Variants in PSD2 observed in about 807,000 individuals in gnomAD.
PSD2 encodes pleckstrin and Sec7 domain containing 2.
PSD2 carries 38 observed loss-of-function variants against 69.8 expected under a neutral mutation model. That is an observed-to-expected ratio of 0.54 (90% CI 0.42 to 0.71). The LOEUF (loss-of-function observed/expected upper bound fraction) is 0.71. Ranked by LOEUF, PSD2 falls within the 30% of genes least tolerant of loss-of-function variation. The pLI is 0.00. For synonymous variants in PSD2, 412 were observed against 423.0 expected (o/e 0.97, Z 0.32); for missense variants, 943 against 1,014.5 (o/e 0.93, Z 0.96).
chr5:139,757,616 GA>G, the PSD2 span, among the ~76,000 whole-genome samples: 1 of 152,172 alleles, frequency 6.6e-6, no homozygotes, highest in African/African-American at 2.4e-5. Context: ...GAGAGAAAGA[GA>G]TTTTTTCTTC....
chr5:139,823,922 G>A (rs1760340053), intron 7 of PSD2, among the ~76,000 whole-genome samples: 1 of 152,232 alleles, frequency 6.6e-6, no homozygotes, highest in African/African-American at 2.4e-5. Context: ...CCTGGGGAGG[G>A]CTAGAGCCTC....
At chr5:139,766,827 CCTTCTTT>C in the PSD2 span, among the ~76,000 whole-genome samples, 466 of 51,614 alleles carry the variant, frequency 9.0e-3, 8 homozygotes, top group Middle Eastern at 0.041. Context: ...CAAGTCCCTT[CCTTCTTT>C]CTTTCTTTCT....
intron 8 of PSD2, among the ~76,000 whole-genome samples, chr5:139,834,696 C>G (rs1760674295): frequency 6.6e-6 from 1 of 152,100 alleles, no homozygotes; most frequent in African/African-American, 2.4e-5. Flanking sequence ...CCCCAATGTT[C>G]CATAGAACAT....
At chr5:139,781,338 C>CTT in the PSD2 span, among the ~76,000 whole-genome samples, 1 of 145,946 alleles carries the variant, frequency 6.9e-6, no homozygotes. Flanking sequence ...ATATCTCTCT[C>CTT]TTTTTTTTTT....
Position 139,821,179 on chromosome 5 carries a change from C to A in PSD2, c.1098-714C>A, listed in dbSNP as rs551657851. On this transcript the variant is annotated intron_variant, in intron 5 of 14. Transcript: ENST00000274710. Reference sequence around the variant, plus strand: ...AACTCCTGACCTTGGGTGATCTGCCCAACTCGGCCTCCCAAAATGCTGGGA... The same window carrying A: ...AACTCCTGACCTTGGGTGATCTGCCAAACTCGGCCTCCCAAAATGCTGGGA... 2.0e-5 allele frequency among the ~76,000 whole-genome samples: 3 copies of A among 152,268 alleles called. No individual in the cohort carries two copies. In the South Asian group the frequency reaches 6.2e-4, roughly 32 times the overall value.
intron 1 of PSD2, among the ~76,000 whole-genome samples, chr5:139,800,669 G>A (rs1759648868): frequency 6.6e-6 from 1 of 152,166 alleles, no homozygotes; most frequent in Non-Finnish European, 1.5e-5. Flanking sequence ...AGCGTCCTGA[G>A]GCTCCCAGTG....
At chr5:139,788,187 CCG>C in the PSD2 span, among the ~76,000 whole-genome samples, 185 of 151,994 alleles carry the variant, frequency 1.2e-3, 1 homozygote, top group African/African-American at 4.1e-3. Context: ...GCGCCCCCCC[CCG>C]AACCCGTGCC....
chr5:139,796,660 C>T lies in PSD2; in HGVS notation c.-51+685C>T, dbSNP rs1470110711. Among the ~76,000 whole-genome samples, 3 of 152,304 alleles carry T rather than the reference C, an allele frequency of 2.0e-5. No homozygotes were observed. The South Asian group carries it at 6.2e-4, about 32-fold the overall frequency. ...AGTCCAGACTGGGGACAACCCTGCC[C>T]AGCGGGCCCCCTCGGAGGAGGAGGT... On this transcript the variant is annotated intron_variant, in intron 1 of 14. Coordinates refer to ENST00000274710, the MANE Select transcript of PSD2 (RefSeq NM_032289.4).
In PSD2 at chr5:139,813,708, G is replaced by T. The variant is rs761397209; in HGVS notation, c.771G>T (p.Gly257=). Residue 257 remains glycine (G), a synonymous_variant, in exon 3 of 15, where the codon GGG becomes GGT. Transcript: ENST00000274710. The stretch of plus-strand genomic sequence containing the variant: ...AAGATGGCCCTCAGGGCCCAGGGGG[G>T]GATGAGGATGATGATGAGGAGGACA... ...FHEDGPQGPG[G]DEDDDEEDTD... The T allele has an allele frequency of 1.2e-6, 2 of 1,613,250 alleles. No individual in the cohort carries two copies. The highest frequency in any genetic ancestry group is 1.1e-5 in the South Asian group (1 of 90,906).
At chr5:139,766,722 C>G in the PSD2 span, among the ~76,000 whole-genome samples, 34 of 152,312 alleles carry the variant, frequency 2.2e-4, no homozygotes, top group South Asian at 7.0e-3. Context: ...CTGAGACACC[C>G]AGCAGGTTAA....
In PSD2 at chr5:139,836,782, G is replaced by A. The variant is rs1302339722; in HGVS notation, c.1404-29G>A. 4 of 1,600,954 alleles carry A rather than the reference G, an allele frequency of 2.5e-6. No homozygotes were observed. The African/African-American group carries it at 4.0e-5, about 16-fold the overall frequency. On this transcript the variant is annotated intron_variant, in intron 9 of 14. Transcript: ENST00000274710. Reference sequence around the variant, plus strand: ...GATGCGGGGCCGAGGCCTCCCTGGAGGTGGTGCTCAGGCCTAGTACTTCCC... The same window carrying A: ...GATGCGGGGCCGAGGCCTCCCTGGAAGTGGTGCTCAGGCCTAGTACTTCCC...
chr5:139,814,694 T>C lies in PSD2; in HGVS notation c.1016+330T>C, dbSNP rs1760073914. Among the ~76,000 whole-genome samples the C allele has an allele frequency of 6.6e-6, 1 of 151,914 alleles. No individual in the cohort carries two copies. Among genetic ancestry groups the C allele is most frequent in the Non-Finnish European group, 1.5e-5 (1 of 67,948 alleles). ...GCCAGCAGGAGCTGGGCCCAGCTAA[T>C]GGGGCCAGGGAGAAAGGAGAACCCG... On this transcript the variant is annotated intron_variant, in intron 4 of 14. Transcript: ENST00000274710. This position sits in a 1 kb window ranked among gnomAD's most constrained non-coding sequence, Gnocchi z 4.4.
chr5:139,792,373 G>A (rs1027230978), upstream of PSD2, among the ~76,000 whole-genome samples: 1 of 152,108 alleles, frequency 6.6e-6, no homozygotes, highest in Non-Finnish European at 1.5e-5. Context: ...CTCCCAATTG[G>A]TGGGTCCCTC....
chr5:139,837,172 C>G lies in PSD2; in HGVS notation c.1599C>G (p.Pro533=), dbSNP rs919501421. The G allele has an allele frequency of 3.1e-6, 5 of 1,613,940 alleles. No individual in the cohort carries two copies. The highest frequency in any genetic ancestry group is 1.3e-5 in the African/African-American group (1 of 74,924). The part of the protein sequence containing the change: ...THADMDGKRT[P]RGRRGWKKFY... ...TACCAGTGCCCTCCTCCCCAGCGCC[C>G]CGTGGGAGGCGTGGCTGGAAGAAAT... The change falls in exon 11 of 15, where the codon CCC becomes CCG. Residue 533 remains proline, a synonymous_variant. Coordinates refer to ENST00000274710, the MANE Select transcript of PSD2 (RefSeq NM_032289.4). The surrounding 1 kb of genome is among the most constrained non-coding windows in gnomAD (Gnocchi z 5.0).
chr5:139,833,602 C>T (rs968019979), intron 7 of PSD2, 100 bp from the exon 8 acceptor site: 3 of 808,352 alleles, frequency 3.7e-6, no homozygotes, highest in Non-Finnish European at 6.6e-6. Flanking sequence ...CATTATTGCC[C>T]TTAATGCTGC....
chr5:139,788,607 C>G, the PSD2 span, among the ~76,000 whole-genome samples: 1 of 152,226 alleles, frequency 6.6e-6, no homozygotes, highest in Non-Finnish European at 1.5e-5. Flanking sequence ...GGCTGCCCAC[C>G]CCATACCACC....
the PSD2 span, among the ~76,000 whole-genome samples, chr5:139,760,617 C>A: frequency 6.6e-6 from 1 of 152,206 alleles, no homozygotes; most frequent in African/African-American, 2.4e-5. Flanking sequence ...CTGATTCTGG[C>A]TCACTGAGCA....
At chr5:139,746,365 C>T in the PSD2 span, 1 of 152,260 alleles carries the variant, frequency 6.6e-6, no homozygotes, top group African/African-American at 2.4e-5. The surrounding 1 kb of genome is among the most constrained non-coding windows in gnomAD (Gnocchi z 4.5). Flanking sequence ...GAAACTTCAA[C>T]TTCATCAACT....
chr5:139,784,935 T>G, the PSD2 span, among the ~76,000 whole-genome samples: 2 of 151,780 alleles, frequency 1.3e-5, no homozygotes, highest in African/African-American at 4.8e-5. Context: ...TTTTTTGTAT[T>G]TTTAGTAGAG....
Sources: gnomAD v4.1 joint callset for allele counts (sites outside exome capture counted in the v4.1 genomes callset) on GRCh38, gnomAD v4.1.1 for gene constraint, Gnocchi (gnomAD v3.1) non-coding constraint, MANE v1.5 for transcripts, NCBI Gene and HGNC (gene_info 2026-07-23, HGNC 2026-07-21) for gene names.